The following DEPDC4 variants were observed in gnomAD, a reference collection of about 807,000 sequenced individuals.
The protein encoded by DEPDC4 is DEP domain containing 4.
DEPDC4 carries 52 observed loss-of-function variants against 52.0 expected under a neutral mutation model. The ratio of observed to expected loss-of-function variants is 1.00; its 90% CI spans 0.80 to 1.26. The LOEUF (loss-of-function observed/expected upper bound fraction) is 1.26. Among genes scored for constraint, DEPDC4 ranks in the 50% most tolerant of loss-of-function variants. DEPDC4 has a pLI of 0.00. For synonymous variants in DEPDC4, 201 were observed against 196.8 expected, an observed-to-expected ratio of 1.02 and a Z score of -0.18; for missense variants, 530 against 546.9, an observed-to-expected ratio of 0.97 and a Z score of 0.31.
chr12:100,240,585 A>C lies in DEPDC4; in HGVS notation c.*1307T>G, dbSNP rs1167123719. On this transcript the variant is annotated 3_prime_UTR_variant, in exon 10 of 10. Coordinates refer to ENST00000550587, the MANE Select transcript of DEPDC4 (RefSeq NM_001364818.2). ...TTAAAACAAAGAAAGAGAGAGAAGC[A>C]GGCAAGAAAAAAGTGAAAGAGCTGG... 6.6e-6 allele frequency among the ~76,000 whole-genome samples: 1 copy of C among 152,182 alleles called. No individual in the cohort carries two copies. The highest frequency in any genetic ancestry group is 1.5e-5 in the Non-Finnish European group (1 of 68,034).
chr12:100,279,003 T>C, the DEPDC4 span, among the ~76,000 whole-genome samples: 1 of 152,236 alleles, frequency 6.6e-6, no homozygotes, highest in East Asian at 1.9e-4. Context: ...GATTTTTCTT[T>C]TAATCACTGA....
intron 1 of DEPDC4, among the ~76,000 whole-genome samples, chr12:100,266,020 A>G (rs942428750): frequency 3.9e-5 from 6 of 152,170 alleles, no homozygotes; most frequent in African/African-American, 1.2e-4. Context: ...AAAGAAACCT[A>G]TAGTTCGCAG....
intron 8 of DEPDC4, among the ~76,000 whole-genome samples, chr12:100,243,018 A>G (rs1046739658): frequency 6.6e-6 from 1 of 152,170 alleles, no homozygotes; most frequent in South Asian, 2.1e-4. Flanking sequence ...TATATGTACT[A>G]TGTTTTTTCC....
chr12:100,266,529 T>G (rs971502412), intron 1 of DEPDC4, among the ~76,000 whole-genome samples: 4 of 152,140 alleles, frequency 2.6e-5, no homozygotes, highest in Non-Finnish European at 5.9e-5. Context: ...CTCAAGGAAT[T>G]TGCCCTCTAG....
intron 9 of DEPDC4, among the ~76,000 whole-genome samples, chr12:100,232,635 G>A (rs917140127): frequency 1.3e-5 from 2 of 152,094 alleles, no homozygotes; most frequent in South Asian, 4.1e-4. Flanking sequence ...TGTAATCCCA[G>A]CACTTTGGGA....
chr12:100,280,102 G>A, the DEPDC4 span, among the ~76,000 whole-genome samples: 1 of 152,048 alleles, frequency 6.6e-6, no homozygotes, highest in Non-Finnish European at 1.5e-5. Context: ...TTCTTACTGG[G>A]GTCAAAGGCT....
chr12:100,248,386 T>A (rs893932495), intron 8 of DEPDC4, among the ~76,000 whole-genome samples: 1 of 152,138 alleles, frequency 6.6e-6, no homozygotes, highest in Non-Finnish European at 1.5e-5. Context: ...CTTAGTAAAC[T>A]TGGATTAAAA....
the DEPDC4 span, among the ~76,000 whole-genome samples, chr12:100,275,471 C>CA: frequency 6.6e-6 from 1 of 152,188 alleles, no homozygotes; most frequent in Non-Finnish European, 1.5e-5. Context: ...GCTGGGATTA[C>CA]AGGCATGAAT....
At chr12:100,271,798 A>G (rs991774825), upstream of DEPDC4, among the ~76,000 whole-genome samples, 1 of 152,170 alleles carries the variant, frequency 6.6e-6, no homozygotes, top group African/African-American at 2.4e-5. Context: ...GAAGCTGGGG[A>G]AAAAAGTAAA....
intron 9 of DEPDC4, 134 bp from the exon 10 acceptor site, chr12:100,241,979 A>G: frequency 2.6e-6 from 1 of 389,882 alleles, no homozygotes; most frequent in Non-Finnish European, 3.5e-6. Context: ...TTTGTTCCAC[A>G]GTTTCTTTCA....
chr12:100,274,360 TGTC>T, the DEPDC4 span, among the ~76,000 whole-genome samples: 2 of 152,194 alleles, frequency 1.3e-5, no homozygotes, highest in Non-Finnish European at 2.9e-5. Context: ...ATTTCTAAAT[TGTC>T]GTATATTGTG....
chr12:100,260,505 T>C (rs2096249844), intron 3 of DEPDC4, among the ~76,000 whole-genome samples: 1 of 152,058 alleles, frequency 6.6e-6, no homozygotes, highest in African/African-American at 2.4e-5. Context: ...GGAAAAGTTA[T>C]TTTTTCATTT....
At chr12:100,244,134 T>TATATATATATACACAC (rs1403751762) in intron 8 of DEPDC4, among the ~76,000 whole-genome samples, 3 of 121,792 alleles carry the variant, frequency 2.5e-5, no homozygotes, top group Non-Finnish European at 3.4e-5. Context: ...TATATATATA[T>TATATATATATACACAC]ACACAAAATA....
chr12:100,281,850 A>G, the DEPDC4 span, among the ~76,000 whole-genome samples: 1 of 151,724 alleles, frequency 6.6e-6, no homozygotes, highest in Admixed American at 6.6e-5. Flanking sequence ...AAAAAAAAAA[A>G]GAAAGTACAA....
chr12:100,242,324 C>CTTTTT (rs746693169), intron 9 of DEPDC4, among the ~76,000 whole-genome samples, 162 bp downstream of exon 9: 3 of 96,032 alleles, frequency 3.1e-5, no homozygotes, highest in Non-Finnish European at 4.3e-5. Flanking sequence ...ACTATGAGGG[C>CTTTTT]TTTTTTTTTT....
At chr12:100,265,623 T>C (rs1162954320) in intron 1 of DEPDC4, among the ~76,000 whole-genome samples, 1 of 152,066 alleles carries the variant, frequency 6.6e-6, no homozygotes, top group Non-Finnish European at 1.5e-5. Context: ...AAATAAATTA[T>C]GGTATACCCT....
At chr12:100,277,054 T>G in the DEPDC4 span, among the ~76,000 whole-genome samples, 1 of 152,206 alleles carries the variant, frequency 6.6e-6, no homozygotes, top group Non-Finnish European at 1.5e-5. Flanking sequence ...TTTCTATATA[T>G]TTTAATCTAT....
At position 100,241,611 on chromosome 12, in the gene DEPDC4, G is replaced by A; in HGVS notation, c.*281C>T. 4 of 999,946 alleles carry A rather than the reference G, an allele frequency of 4.0e-6. No individual in the cohort carries two copies. The highest frequency in any genetic ancestry group is 5.0e-6 in the Non-Finnish European group (4 of 800,928). The allele number at this position is 999,946 out of a possible 1,614,324, so 61.9% of individuals were successfully genotyped here. On this transcript the variant is annotated 3_prime_UTR_variant, in exon 10 of 10. Coordinates refer to ENST00000550587, the MANE Select transcript of DEPDC4 (RefSeq NM_001364818.2). Reference sequence around the variant, plus strand: ...CTCTGAAGTGTAAGTATGGCAATTTGAGAAAACCACCAGAGAATTGTTTAT... The same window carrying A: ...CTCTGAAGTGTAAGTATGGCAATTTAAGAAAACCACCAGAGAATTGTTTAT...
chr12:100,262,293 T>C lies in DEPDC4; in HGVS notation c.671A>G (p.Gln224Arg). 4 of 1,609,990 alleles carry C rather than the reference T, an allele frequency of 2.5e-6. No individual in the cohort carries two copies. The highest frequency in any genetic ancestry group is 3.4e-6 in the Non-Finnish European group (4 of 1,179,156). ...NPALCPNITV[Q>R]KPFLRLSKED... ...TTTTGAAAGCCGGAGAAAAGGTTTC[T>C]GAACTGTGATATTTGGACATAAAGC... The change falls in exon 3 of 10, where the codon CAG (glutamine) becomes CGG (arginine). Residue 224 changes from glutamine (Q) to arginine (R), a missense_variant. Physicochemically the swap from Gln to Arg is conservative, Grantham distance 43 (BLOSUM62 1). Transcript: ENST00000550587.
Sources: allele counts gnomAD v4.1 joint callset (sites outside exome capture counted in the v4.1 genomes callset), GRCh38; gene constraint gnomAD v4.1.1; transcripts MANE v1.5; gene names NCBI Gene and HGNC (gene_info 2026-07-23, HGNC 2026-07-21).